TBC1D5: variants seen among roughly 807,000 people sequenced by gnomAD.
TBC1D5 encodes the protein TBC1 domain family member 5.
TBC1D5 carries 75 observed loss-of-function variants against 100.3 expected under a neutral mutation model. The ratio of observed to expected loss-of-function variants is 0.75; its 90% CI spans 0.62 to 0.91. TBC1D5 has a LOEUF of 0.91. Ranked by LOEUF, TBC1D5 falls within the 40% of genes least tolerant of loss-of-function variation. The probability of loss-of-function intolerance (pLI) is 0.00; values close to 1 mark genes in which losing one functional copy is unlikely to be tolerated. For missense variants in TBC1D5, 910 were observed against 942.4 expected, an observed-to-expected ratio of 0.97 and a Z score of 0.45; for synonymous variants, 323 against 325.6, an observed-to-expected ratio of 0.99 and a Z score of 0.09.
intron 2 of TBC1D5, among the ~76,000 whole-genome samples, chr3:17,513,331 C>CAA (rs762135211): frequency 1.6e-5 from 2 of 124,484 alleles, no homozygotes; most frequent in Admixed American, 1.6e-4. Context: ...GACTCCATCT[C>CAA]AAAAAAAAAA....
At chr3:17,416,241 G>A (rs1042022866) in intron 4 of TBC1D5, among the ~76,000 whole-genome samples, 1 of 152,094 alleles carries the variant, frequency 6.6e-6, no homozygotes, top group Non-Finnish European at 1.5e-5. Flanking sequence ...TAAACTTTCC[G>A]AGATGACAGA....
chr3:17,373,970 C>T (rs549148309), intron 12 of TBC1D5, among the ~76,000 whole-genome samples: 1 of 151,788 alleles, frequency 6.6e-6, no homozygotes, highest in African/African-American at 2.4e-5. Context: ...TACTAAAAAC[C>T]ATTAAAAGTT....
At chr3:17,299,790 C>T (rs568533940) in intron 14 of TBC1D5, among the ~76,000 whole-genome samples, 15 of 130,564 alleles carry the variant, frequency 1.1e-4, no homozygotes, top group South Asian at 2.5e-4. Flanking sequence ...ACCCGGGAGG[C>T]GGAGCTTGCA....
chr3:17,390,728 A>C (rs2093327311), intron 8 of TBC1D5, among the ~76,000 whole-genome samples: 1 of 152,128 alleles, frequency 6.6e-6, no homozygotes, highest in Non-Finnish European at 1.5e-5. Context: ...AAATAACTAT[A>C]ATATCTTACT....
chr3:17,315,752 C>T (rs2084618666), intron 13 of TBC1D5, among the ~76,000 whole-genome samples: 1 of 152,044 alleles, frequency 6.6e-6, no homozygotes, highest in South Asian at 2.1e-4. Context: ...GTTATTCATT[C>T]AGAGTTTGTA....
At chr3:17,456,087 A>G (rs773260268) in intron 3 of TBC1D5, among the ~76,000 whole-genome samples, 8 of 152,202 alleles carry the variant, frequency 5.3e-5, no homozygotes, top group Non-Finnish European at 5.9e-5. Context: ...TGAAAACTGA[A>G]TATCTATATG....
At chr3:17,534,302 T>C (rs1342623332) in intron 2 of TBC1D5, among the ~76,000 whole-genome samples, 1 of 152,152 alleles carries the variant, frequency 6.6e-6, no homozygotes, top group African/African-American at 2.4e-5. Context: ...ATTATCTTCA[T>C]TAATGGTAAA....
chr3:17,335,585 C>T (rs1299313335), intron 13 of TBC1D5, among the ~76,000 whole-genome samples: 4 of 152,004 alleles, frequency 2.6e-5, no homozygotes, highest in Non-Finnish European at 4.4e-5. Flanking sequence ...TCATTAATAC[C>T]GACTTGTACA....
intron 13 of TBC1D5, among the ~76,000 whole-genome samples, chr3:17,316,237 T>C (rs1486271765): frequency 6.6e-6 from 1 of 152,178 alleles, no homozygotes; most frequent in East Asian, 1.9e-4. Context: ...AAAATTACTT[T>C]CCCTGATCGT....
chr3:17,653,145 C>G (rs934744306), intron 1 of TBC1D5, among the ~76,000 whole-genome samples: 1 of 151,982 alleles, frequency 6.6e-6, no homozygotes, highest in Non-Finnish European at 1.5e-5. Context: ...AGTCAGAACA[C>G]AGACTGGGAG....
intron 1 of TBC1D5, chr3:17,702,493 A>G (rs1224005521): frequency 1.3e-5 from 2 of 152,180 alleles, no homozygotes; most frequent in Non-Finnish European, 2.9e-5. Flanking sequence ...AGTGAACGGC[A>G]TTAAAAAATA....
intron 4 of TBC1D5, among the ~76,000 whole-genome samples, chr3:17,408,469 A>T (rs2093833399): frequency 6.6e-6 from 1 of 151,998 alleles, no homozygotes; most frequent in East Asian, 1.9e-4. Context: ...GACCACAGGC[A>T]CACACCATCA....
chr3:17,312,165 T>A (rs1254434586), intron 13 of TBC1D5, among the ~76,000 whole-genome samples: 3 of 152,086 alleles, frequency 2.0e-5, no homozygotes, highest in Admixed American at 2.0e-4. Flanking sequence ...AAATTGCAAG[T>A]AAACACTGAA....
At chr3:17,178,204 T>C (rs1388346995) in intron 19 of TBC1D5, among the ~76,000 whole-genome samples, 3 of 152,012 alleles carry the variant, frequency 2.0e-5, no homozygotes, top group South Asian at 4.2e-4. Context: ...TAGCTGGGAC[T>C]ACATGCGCCC....
chr3:17,724,309 G>C, intron 1 of TBC1D5, among the ~76,000 whole-genome samples: 1 of 151,934 alleles, frequency 6.6e-6, no homozygotes, highest in Non-Finnish European at 1.5e-5. Flanking sequence ...TGTCCAGGTT[G>C]GTCTCAAACT....
rs1446663533 is a variant in TBC1D5 at position 17,466,304 on chromosome 3, AGC to A, written c.98-37787_98-37786del. On this transcript the variant is annotated intron_variant, in intron 3 of 21. Coordinates refer to ENST00000253692, the Ensembl canonical transcript of TBC1D5. ...CAGCTCTATTAGTAAAAATTTAGTG[AGC>A]TTCTGCTATGTGCCTAGATGAAATG... is the stretch of plus-strand genomic sequence containing the variant. Among the ~76,000 whole-genome samples the A allele has an allele frequency of 2.0e-5, 3 of 152,294 alleles. No individual in the cohort carries two copies. The East Asian group carries it at 5.8e-4, about 29-fold the overall frequency.
Position 17,230,679 on chromosome 3 carries a change from A to G in TBC1D5, c.1588+7484T>C, listed in dbSNP as rs537178429. Among the ~76,000 whole-genome samples, 246 of 152,244 alleles carry G rather than the reference A, an allele frequency of 1.6e-3. 2 individuals carry two copies. The highest frequency in any genetic ancestry group is 5.7e-3 in the African/African-American group (236 of 41,562). On this transcript the variant is annotated intron_variant, in intron 17 of 21. Transcript: ENST00000253692. ...ATATTTACATCCATAACACAAATGT[A>G]TATATACAAGTATAAATTTTAAAGA...
chr3:17,591,193 G>A (rs528423389), intron 2 of TBC1D5, among the ~76,000 whole-genome samples: 17 of 120,294 alleles, frequency 1.4e-4, no homozygotes, highest in Admixed American at 9.1e-4. Context: ...CCGAGATTGC[G>A]CCACTGTACT....
At chr3:17,284,715 C>T (rs1227008801) in intron 15 of TBC1D5, among the ~76,000 whole-genome samples, 1 of 152,098 alleles carries the variant, frequency 6.6e-6, no homozygotes, top group Non-Finnish European at 1.5e-5. Flanking sequence ...ATTTCAAATA[C>T]TGGTTTAATA....
Sources: gnomAD v4.1 joint callset for allele counts (sites outside exome capture counted in the v4.1 genomes callset) on GRCh38, gnomAD v4.1.1 for gene constraint, MANE v1.5 for transcripts, NCBI Gene and HGNC (gene_info 2026-07-23, HGNC 2026-07-21) for gene names.